Variants in MYO5A observed in about 807,000 individuals in gnomAD.
MYO5A encodes the protein myosin VA.
MYO5A carries 98 observed loss-of-function variants against 249.7 expected under a neutral mutation model. The ratio of observed to expected loss-of-function variants is 0.39; its 90% CI spans 0.33 to 0.46. MYO5A has a LOEUF of 0.46. Among genes scored for constraint, MYO5A ranks in the 20% least tolerant of loss-of-function variants. MYO5A has a pLI of 0.98. For synonymous variants in MYO5A, 778 were observed against 810.6 expected (o/e 0.96, Z 0.68); for missense variants, 1,696 against 2,308.8 (o/e 0.73, Z 5.44).
At chr15:52,333,084 G>A (rs28534436) in intron 34 of MYO5A, among the ~76,000 whole-genome samples, 2,719 of 152,236 alleles carry the variant, frequency 0.018, 50 homozygotes, top group South Asian at 0.058. Context: ...CTGCCATCTC[G>A]GAAGCAGAAA....
intron 1 of MYO5A, among the ~76,000 whole-genome samples, chr15:52,480,687 C>G (rs2076696878): frequency 6.6e-6 from 1 of 152,210 alleles, no homozygotes; most frequent in Non-Finnish European, 1.5e-5. Context: ...CCCACATTCT[C>G]TTTTCCTTGG....
At chr15:52,347,242 A>G (rs1211716003) in intron 29 of MYO5A, among the ~76,000 whole-genome samples, 1 of 152,224 alleles carries the variant, frequency 6.6e-6, no homozygotes, top group Non-Finnish European at 1.5e-5. Context: ...AGTAAGAGAT[A>G]AGAATCACTG....
At chr15:52,410,244 T>A in intron 6 of MYO5A, 89 bp downstream of exon 6, 1 of 1,410,152 alleles carries the variant, frequency 7.1e-7, no homozygotes, top group Non-Finnish European at 1.0e-6. Flanking sequence ...CTCAAGAGTA[T>A]CTTGAAATAA....
At chr15:52,476,913 G>A (rs902417055) in intron 1 of MYO5A, among the ~76,000 whole-genome samples, 2 of 152,158 alleles carry the variant, frequency 1.3e-5, no homozygotes, top group African/African-American at 4.8e-5. Context: ...GGTGTTCTCT[G>A]TATTTCCTGA....
At chr15:52,468,043 T>C (rs2076385707) in intron 1 of MYO5A, among the ~76,000 whole-genome samples, 1 of 152,086 alleles carries the variant, frequency 6.6e-6, no homozygotes, top group Non-Finnish European at 1.5e-5. Context: ...AAGCACCATT[T>C]AAAAAGTTAA....
chr15:52,508,212 T>C (rs1371871379), intron 1 of MYO5A, among the ~76,000 whole-genome samples: 1 of 152,198 alleles, frequency 6.6e-6, no homozygotes, highest in Non-Finnish European at 1.5e-5. Context: ...GTAAATTGTC[T>C]TTCTCTATTT....
chr15:52,314,115 G>A lies in MYO5A; in HGVS notation c.5490+8C>T. On this transcript the variant is annotated splice_region_variant and intron_variant, in intron 41 of 41. Transcript: ENST00000399233. ...TGGTGAATCAAAGAAGAAGATGGGA[G>A]CTCTTACCTGTATAGTACGAATGAA... The A allele has an allele frequency of 6.3e-7, 1 of 1,592,986 alleles. No homozygotes were observed. Among genetic ancestry groups the A allele is most frequent in the Non-Finnish European group, 8.6e-7 (1 of 1,161,698 alleles).
intron 2 of MYO5A, among the ~76,000 whole-genome samples, chr15:52,429,950 A>T (rs2075489528): frequency 6.6e-6 from 1 of 152,182 alleles, no homozygotes; most frequent in Admixed American, 6.5e-5. Flanking sequence ...GGCACAGCCA[A>T]CCATGAATAT....
Position 52,314,206 on chromosome 15 carries a change from G to A in MYO5A, c.5410-3C>T, listed in dbSNP as rs748857833. 3 of 1,603,776 alleles carry A rather than the reference G, an allele frequency of 1.9e-6. No homozygotes were observed. Among genetic ancestry groups the A allele is most frequent in the Admixed American group, 1.7e-5 (1 of 60,010 alleles). ...TACAAATTCAACACTTTCACAATCT[G>A]TGAGAAATGAAATGATCAAAGTTTT... On this transcript the variant is annotated splice_polypyrimidine_tract_variant and splice_region_variant and intron_variant, in intron 40 of 41. Transcript: ENST00000399233.
chr15:52,439,257 G>A lies in MYO5A; in HGVS notation c.28-5972C>T, dbSNP rs11070894. On this transcript the variant is annotated intron_variant, in intron 1 of 41. Transcript: ENST00000399233. ...TCTTGGGAGCTCTGGGAGCAAGGAC[G>A]ACCCGGTAACACTGTCATGTAGCTG... Among the ~76,000 whole-genome samples, 476 of 152,172 alleles carry A rather than the reference G, an allele frequency of 3.1e-3. 4 individuals are homozygous for A. Among genetic ancestry groups the A allele is most frequent in the African/African-American group, 0.011 (464 of 41,544 alleles).
chr15:52,504,015 T>G (rs922416106), intron 1 of MYO5A, among the ~76,000 whole-genome samples: 3 of 151,876 alleles, frequency 2.0e-5, no homozygotes, highest in Non-Finnish European at 4.4e-5. Context: ...GCATGAAAAT[T>G]TTCTAGACCT....
intron 11 of MYO5A, among the ~76,000 whole-genome samples, chr15:52,393,747 T>C (rs952685793): frequency 1.3e-5 from 2 of 152,188 alleles, no homozygotes; most frequent in Non-Finnish European, 1.5e-5. Context: ...CAAAAAACAG[T>C]CATCCATATG....
At position 52,433,204 on chromosome 15, in the gene MYO5A, C is replaced by A. The variant is rs2075579875; in HGVS notation, c.109G>T (p.Val37Phe). The change falls in exon 2 of 42, where the codon GTC (valine) becomes TTC (phenylalanine). Residue 37 changes from valine to phenylalanine, a missense_variant. Val to Phe is a conservative substitution (Grantham distance 50). Transcript: ENST00000399233. ...LLKDYKPGDK[V>F]LLLHLEEGKD... ...CCTTCCTCGAGGTGAAGCAGGAGGACTTTATCTCCTGGCTTATAATCTTTG... is the reference window on the plus strand; with the variant it reads ...CCTTCCTCGAGGTGAAGCAGGAGGAATTTATCTCCTGGCTTATAATCTTTG... 1 of 1,612,892 alleles carries A rather than the reference C, an allele frequency of 6.2e-7. No homozygotes were observed. Among genetic ancestry groups the A allele is most frequent in the African/African-American group, 1.3e-5 (1 of 74,868 alleles).
At position 52,433,253 on chromosome 15, in the gene MYO5A, T is replaced by C. The variant is rs2075580551; in HGVS notation, c.60A>G (p.Glu20=). 2.5e-6 allele frequency: 4 copies of C among 1,613,472 alleles called. No homozygotes were observed. The highest frequency in any genetic ancestry group is 3.4e-6 in the Non-Finnish European group (4 of 1,179,570). ...FARVWIPDPE[E]VWKSAELLKD... is the part of the protein sequence containing the mutation. ...TGAGCAGCTCTGCTGACTTCCAGAC[T>C]TCCTCTGGATCAGGTATCCAAACCC... Residue 20 remains glutamate, a synonymous_variant, in exon 2 of 42, where the codon GAA becomes GAG. Transcript: ENST00000399233.
chr15:52,488,786 T>A (rs1294587759), intron 1 of MYO5A, among the ~76,000 whole-genome samples: 3 of 152,198 alleles, frequency 2.0e-5, no homozygotes, highest in African/African-American at 7.2e-5. Flanking sequence ...ACTTTGTGAA[T>A]GTTTCAAAAA....
At chr15:52,511,661 T>C (rs2077392049) in intron 1 of MYO5A, among the ~76,000 whole-genome samples, 1 of 152,216 alleles carries the variant, frequency 6.6e-6, no homozygotes, top group African/African-American at 2.4e-5. Context: ...AAGGGATCTT[T>C]TACCCTCTCA....
rs2042035488 is a variant in MYO5A, at chr15:52,387,870, T to C, written c.1711A>G (p.Thr571Ala). 4 of 1,612,574 alleles carry C rather than the reference T, an allele frequency of 2.5e-6. No individual in the cohort carries two copies. The African/African-American group carries it at 4.0e-5, about 16-fold the overall frequency. The stretch of plus-strand genomic sequence containing the variant: ...ACTTTAATTTGTTCTTCAAAAACGG[T>C]GTCTTTATTCTTTTCGAGAAATCCT... ...CEGFLEKNKD[T>A]VFEEQIKVLK... Residue 571 changes from threonine (T) to alanine (A), a missense_variant, in exon 14 of 42, where the codon ACC becomes GCC. Around this residue, in one of 5 missense-constraint regions of MYO5A, gnomAD observed 277 missense variants for 422.4 expected, o/e 0.66. Coordinates refer to ENST00000399233, the MANE Select transcript of MYO5A (RefSeq NM_001382347.1).
intron 28 of MYO5A, among the ~76,000 whole-genome samples, chr15:52,350,211 C>T (rs559006865): frequency 2.2e-4 from 33 of 152,340 alleles, no homozygotes; most frequent in African/African-American, 7.9e-4. Context: ...AGATTACAGG[C>T]GTGAGCCACC....
chr15:52,370,948 C>T (rs1416951099), intron 21 of MYO5A, among the ~76,000 whole-genome samples: 1 of 151,538 alleles, frequency 6.6e-6, no homozygotes, highest in Non-Finnish European at 1.5e-5. Flanking sequence ...CCCGTCTTTA[C>T]AAAAAAATTT....
Sources: gnomAD v4.1 joint callset for allele counts (sites outside exome capture counted in the v4.1 genomes callset) on GRCh38, gnomAD v4.1.1 for gene constraint, gnomAD v4.1.1 regional missense constraint, MANE v1.5 for transcripts, NCBI Gene and HGNC (gene_info 2026-07-23, HGNC 2026-07-21) for gene names.